GALNTL6: variants seen among roughly 807,000 people sequenced by gnomAD.
The protein encoded by GALNTL6 is polypeptide N-acetylgalactosaminyltransferase-like 6.
GALNTL6 carries 46 observed loss-of-function variants against 73.7 expected under a neutral mutation model. That is an observed-to-expected ratio of 0.62 (90% CI 0.49 to 0.80). The LOEUF (loss-of-function observed/expected upper bound fraction) is 0.80. Among genes scored for constraint, GALNTL6 ranks in the 30% least tolerant of loss-of-function variants. The pLI is 0.00. For missense variants in GALNTL6, 604 were observed against 755.0 expected, an observed-to-expected ratio of 0.80 and a Z score of 2.34; for synonymous variants, 259 against 263.7, an observed-to-expected ratio of 0.98 and a Z score of 0.17.
At chr4:172,046,367 C>T (rs1198555487) in intron 2 of GALNTL6, among the ~76,000 whole-genome samples, 2 of 152,036 alleles carry the variant, frequency 1.3e-5, no homozygotes, top group African/African-American at 2.4e-5. Context: ...AGGTTTGTTA[C>T]ATAGGTATAC....
intron 2 of GALNTL6, among the ~76,000 whole-genome samples, chr4:171,904,754 G>A (rs1737219280): frequency 6.6e-6 from 1 of 152,134 alleles, no homozygotes; most frequent in Admixed American, 6.5e-5. Context: ...GAAAGGTCGG[G>A]TTACCCTCAA....
chr4:172,100,117 A>G (rs540737847), intron 2 of GALNTL6, among the ~76,000 whole-genome samples: 47 of 152,176 alleles, frequency 3.1e-4, no homozygotes, highest in Non-Finnish European at 4.4e-4. Context: ...GGTTTACACT[A>G]GAACTAAGAA....
intron 5 of GALNTL6, among the ~76,000 whole-genome samples, chr4:172,562,312 CAGA>C (rs1399520129): frequency 6.6e-6 from 1 of 152,164 alleles, no homozygotes; most frequent in Non-Finnish European, 1.5e-5. Flanking sequence ...TAGCATCACA[CAGA>C]AGAAGCCATT....
At chr4:172,607,077 T>C (rs995974141) in intron 5 of GALNTL6, among the ~76,000 whole-genome samples, 10 of 151,990 alleles carry the variant, frequency 6.6e-5, no homozygotes, top group African/African-American at 2.2e-4. Flanking sequence ...GAAATATTGA[T>C]GTATAAATGA....
intron 5 of GALNTL6, among the ~76,000 whole-genome samples, chr4:172,710,874 A>T (rs961255196): frequency 1.3e-5 from 2 of 152,180 alleles, no homozygotes; most frequent in African/African-American, 4.8e-5. Flanking sequence ...AACCTTAGTT[A>T]TGTTAAATAT....
chr4:172,735,080 A>G (rs1560914153), intron 5 of GALNTL6, among the ~76,000 whole-genome samples: 1 of 152,184 alleles, frequency 6.6e-6, no homozygotes. Flanking sequence ...CCACTGTGGC[A>G]CTGCCTAGCG....
At chr4:172,568,877 G>A (rs145251001) in intron 5 of GALNTL6, among the ~76,000 whole-genome samples, 98 of 150,954 alleles carry the variant, frequency 6.5e-4, no homozygotes, top group South Asian at 5.0e-3. Flanking sequence ...ACACAACTTC[G>A]TAAACTTTCT....
At chr4:172,758,002 A>G (rs1259370729) in intron 5 of GALNTL6, among the ~76,000 whole-genome samples, 2 of 152,192 alleles carry the variant, frequency 1.3e-5, no homozygotes, top group Non-Finnish European at 2.9e-5. Flanking sequence ...CAGAAAGTTG[A>G]AGCATTGTTT....
intron 5 of GALNTL6, among the ~76,000 whole-genome samples, chr4:172,615,849 A>C (rs2111059443): frequency 6.6e-6 from 1 of 152,310 alleles, no homozygotes; most frequent in East Asian, 1.9e-4. Context: ...CCCAAAGGTA[A>C]GACAATCAAT....
chr4:172,298,875 G>A (rs1175844917), intron 3 of GALNTL6, among the ~76,000 whole-genome samples: 3 of 152,170 alleles, frequency 2.0e-5, no homozygotes, highest in Non-Finnish European at 4.4e-5. Flanking sequence ...GATGATGCTG[G>A]CCTCATGAAA....
intron 2 of GALNTL6, among the ~76,000 whole-genome samples, chr4:172,194,604 G>A (rs1433132459): frequency 2.0e-5 from 3 of 152,210 alleles, no homozygotes; most frequent in Non-Finnish European, 4.4e-5. Flanking sequence ...CATCTCAGTA[G>A]GACCCTAGAA....
At chr4:172,448,966 C>T (rs182688839) in intron 5 of GALNTL6, among the ~76,000 whole-genome samples, 3 of 152,198 alleles carry the variant, frequency 2.0e-5, no homozygotes, top group Admixed American at 1.3e-4. Context: ...TATTTTCCTC[C>T]TTGAATCTCT....
chr4:172,503,240 A>G (rs1475251530), intron 5 of GALNTL6, among the ~76,000 whole-genome samples: 3 of 152,102 alleles, frequency 2.0e-5, no homozygotes, highest in Non-Finnish European at 4.4e-5. Context: ...ATTAGCTTTA[A>G]AGAAAAACAT....
intron 2 of GALNTL6, among the ~76,000 whole-genome samples, chr4:171,967,448 T>TTTTTTTTTGTTTG (rs1204445793): frequency 2.4e-4 from 6 of 25,306 alleles, no homozygotes; most frequent in East Asian, 2.2e-3. Flanking sequence ...CCCCTATGGG[T>TTTTTTTTTGTTTG]TTTTTTTTTT....
intron 2 of GALNTL6, among the ~76,000 whole-genome samples, chr4:171,933,018 T>C (rs332980): frequency 0.77 from 116,880 of 152,074 alleles, 45,215 homozygotes; most frequent in Admixed American, 0.86. Context: ...ATTCATAGAC[T>C]TATGAATTAG....
chr4:172,426,112 G>A (rs1731218948), intron 5 of GALNTL6, among the ~76,000 whole-genome samples: 1 of 152,032 alleles, frequency 6.6e-6, no homozygotes, highest in African/African-American at 2.4e-5. Flanking sequence ...CCTTTGGCAT[G>A]ATTATAATAT....
At chr4:172,312,793 T>A (rs1191078936) in intron 4 of GALNTL6, among the ~76,000 whole-genome samples, 1 of 152,174 alleles carries the variant, frequency 6.6e-6, no homozygotes, top group Non-Finnish European at 1.5e-5. Flanking sequence ...CTTTAGAAAT[T>A]TATTTAAAAT....
chr4:172,988,096 G>A (rs1751376346), intron 10 of GALNTL6, among the ~76,000 whole-genome samples: 1 of 152,192 alleles, frequency 6.6e-6, no homozygotes, highest in Non-Finnish European at 1.5e-5. Flanking sequence ...ACAATTTGGA[G>A]GGCTCAGAAG....
intron 5 of GALNTL6, among the ~76,000 whole-genome samples, chr4:172,537,481 C>A (rs1228649927): frequency 6.6e-6 from 1 of 152,204 alleles, no homozygotes; most frequent in African/African-American, 2.4e-5. Context: ...TGTGCCTTTG[C>A]TCCTTCTTCA....
Sources: allele counts gnomAD v4.1 joint callset (sites outside exome capture counted in the v4.1 genomes callset), GRCh38; gene constraint gnomAD v4.1.1; transcripts MANE v1.5; gene names NCBI Gene and HGNC (gene_info 2026-07-23, HGNC 2026-07-21).